The following CCDC60 variants were observed in gnomAD, a reference collection of about 807,000 sequenced individuals.
CCDC60 encodes the protein coiled-coil domain containing 60.
In CCDC60, 54 loss-of-function variants were observed where a neutral mutation model predicts 63.5. That is an observed-to-expected ratio of 0.85 (90% CI 0.68 to 1.07). The LOEUF (loss-of-function observed/expected upper bound fraction) is 1.07, where lower values mean the gene tolerates loss of function less well. Among genes scored for constraint, CCDC60 ranks in the 50% least tolerant of loss-of-function variants. The pLI is 0.00. For missense variants in CCDC60, 651 were observed against 684.3 expected (o/e 0.95, Z 0.54); for synonymous variants, 206 against 238.8 (o/e 0.86, Z 1.27).
At chr12:119,391,768 T>C (rs1044870582) in intron 1 of CCDC60, among the ~76,000 whole-genome samples, 2 of 152,220 alleles carry the variant, frequency 1.3e-5, no homozygotes, top group Non-Finnish European at 2.9e-5. Context: ...AGGGCTTTTC[T>C]GTATTAGGAT....
chr12:119,433,129 A>G (rs73406254), intron 2 of CCDC60, among the ~76,000 whole-genome samples: 1 of 146,854 alleles, frequency 6.8e-6, no homozygotes, highest in Non-Finnish European at 1.5e-5. Context: ...ATCAGCAAAC[A>G]CTACAAATCA....
At chr12:119,378,172 G>A (rs1955973296) in intron 1 of CCDC60, among the ~76,000 whole-genome samples, 1 of 152,180 alleles carries the variant, frequency 6.6e-6, no homozygotes, top group Non-Finnish European at 1.5e-5. Flanking sequence ...CTAGCAGATC[G>A]GTTCTCTACC....
chr12:119,507,608 A>AT (rs1483859938), intron 7 of CCDC60, among the ~76,000 whole-genome samples: 3 of 27,568 alleles, frequency 1.1e-4, no homozygotes, highest in African/African-American at 5.0e-4. Context: ...ATATATATAT[A>AT]TATATATTTT....
intron 5 of CCDC60, among the ~76,000 whole-genome samples, chr12:119,494,386 C>T (rs932088268): frequency 2.6e-5 from 4 of 152,322 alleles, no homozygotes; most frequent in South Asian, 2.1e-4. Context: ...CCAACAGGCT[C>T]GAGTCCCCAG....
In CCDC60 at chr12:119,446,160, C is replaced by G. The variant is rs575389179; in HGVS notation, c.170+17398C>G. 3.9e-5 allele frequency among the ~76,000 whole-genome samples: 6 copies of G among 151,926 alleles called. No individual in the cohort carries two copies. The South Asian group carries it at 1.2e-3, about 32-fold the overall frequency. On this transcript the variant is annotated intron_variant, in intron 2 of 13. Transcript: ENST00000327554. ...CCAAATAGAGCATTGTTTTGCAAGA[C>G]AGTCTCAAAAAAAAAGCTTACATAG...
At chr12:119,455,265 A>C (rs79693333) in intron 2 of CCDC60, among the ~76,000 whole-genome samples, 2 of 152,282 alleles carry the variant, frequency 1.3e-5, no homozygotes, top group African/African-American at 4.8e-5. Flanking sequence ...CAATAGAGAG[A>C]AGTAGGGAAG....
chr12:119,476,145 A>G (rs185832632), intron 3 of CCDC60, among the ~76,000 whole-genome samples: 127 of 152,274 alleles, frequency 8.3e-4, no homozygotes, highest in African/African-American at 2.9e-3. Context: ...CAAACTATGC[A>G]GGGAAAAAAA....
intron 5 of CCDC60, among the ~76,000 whole-genome samples, chr12:119,490,796 G>T (rs868157997): frequency 7.2e-5 from 11 of 152,022 alleles, no homozygotes; most frequent in African/African-American, 2.2e-4. Context: ...CCAGGCTGGT[G>T]TCTAGCTCAT....
At chr12:119,445,622 T>A (rs1408308173) in intron 2 of CCDC60, among the ~76,000 whole-genome samples, 1 of 152,088 alleles carries the variant, frequency 6.6e-6, no homozygotes, top group Non-Finnish European at 1.5e-5. Context: ...TCTGATGTCA[T>A]CGTGCCTGCA....
intron 3 of CCDC60, 29 bp downstream of exon 3, chr12:119,472,193 A>C (rs1342506430): frequency 6.2e-7 from 1 of 1,607,596 alleles, no homozygotes; most frequent in Non-Finnish European, 8.5e-7. Context: ...TGTGGCACTG[A>C]AGGTTTTGGG....
chr12:119,349,216 A>G (rs1235510856), intron 1 of CCDC60, among the ~76,000 whole-genome samples: 1 of 152,148 alleles, frequency 6.6e-6, no homozygotes, highest in Non-Finnish European at 1.5e-5. Flanking sequence ...AGAAGAGCAG[A>G]AGGAAGGAAA....
chr12:119,395,202 G>A (rs972796851), intron 1 of CCDC60, among the ~76,000 whole-genome samples: 2 of 152,210 alleles, frequency 1.3e-5, no homozygotes, highest in Admixed American at 1.3e-4. Context: ...CTGAAGAATT[G>A]AGGCTTTCCT....
At chr12:119,526,220 T>C (rs908940022) in intron 11 of CCDC60, among the ~76,000 whole-genome samples, 2 of 152,116 alleles carry the variant, frequency 1.3e-5, no homozygotes, top group Non-Finnish European at 2.9e-5. Flanking sequence ...ATGCAGAAGA[T>C]TGAAGCTAGA....
chr12:119,363,216 C>A (rs1019169305), intron 1 of CCDC60, among the ~76,000 whole-genome samples: 7 of 152,210 alleles, frequency 4.6e-5, no homozygotes, highest in African/African-American at 1.4e-4. Context: ...CTTATTTTAG[C>A]CTCTCTGGTG....
chr12:119,500,171 A>G lies in CCDC60; in HGVS notation c.648+3A>G. The G allele has an allele frequency of 2.5e-6, 4 of 1,594,290 alleles. No individual in the cohort carries two copies. Among genetic ancestry groups the G allele is most frequent in the East Asian group, 4.5e-5 (2 of 44,418 alleles). On this transcript the variant is annotated splice_donor_region_variant and intron_variant, in intron 6 of 13. Transcript: ENST00000327554. Reference sequence around the variant, plus strand: ...AGCATTTCATCACAGCGCCAAAGGTAACCAACAACACGCGACTCAACCCTT... The same window carrying G: ...AGCATTTCATCACAGCGCCAAAGGTGACCAACAACACGCGACTCAACCCTT...
chr12:119,379,303 G>A (rs61938067), intron 1 of CCDC60, among the ~76,000 whole-genome samples: 8,868 of 152,304 alleles, frequency 0.058, 327 homozygotes, highest in Non-Finnish European at 0.087. Context: ...TTTCCAGGTG[G>A]AGGACACTCA....
chr12:119,508,144 C>A (rs1952104899), intron 7 of CCDC60, among the ~76,000 whole-genome samples: 1 of 152,032 alleles, frequency 6.6e-6, no homozygotes, highest in Non-Finnish European at 1.5e-5. Context: ...GCACTCCAGC[C>A]TGGGCAACAG....
chr12:119,373,638 A>G (rs1288918686), intron 1 of CCDC60, among the ~76,000 whole-genome samples: 1 of 110,008 alleles, frequency 9.1e-6, no homozygotes, highest in East Asian at 3.2e-4. Context: ...GTGCAAACTT[A>G]GGCAAGATAC....
chr12:119,538,603 G>C (rs1042304333), intron 13 of CCDC60, among the ~76,000 whole-genome samples: 1 of 152,202 alleles, frequency 6.6e-6, no homozygotes, highest in Non-Finnish European at 1.5e-5. Flanking sequence ...CTTTTTTAGA[G>C]GTTCTTGGCT....
Sources: gnomAD v4.1 joint callset for allele counts (sites outside exome capture counted in the v4.1 genomes callset) on GRCh38, gnomAD v4.1.1 for gene constraint, MANE v1.5 for transcripts, NCBI Gene and HGNC (gene_info 2026-07-23, HGNC 2026-07-21) for gene names.